GBF1: variants seen among roughly 807,000 people sequenced by gnomAD.
The protein encoded by GBF1 is Golgi-specific brefeldin A-resistance guanine nucleotide exchange factor 1.
A neutral mutation model predicts 210.5 loss-of-function variants in GBF1; 114 were observed. The ratio of observed to expected loss-of-function variants is 0.54; its 90% confidence interval spans 0.47 to 0.63. GBF1 has a LOEUF of 0.63. Ranked by LOEUF, GBF1 falls within the 30% of genes least tolerant of loss-of-function variation. The pLI, the probability that GBF1 is intolerant of heterozygous loss-of-function variation, is 0.00. For missense variants in GBF1, 1,851 were observed against 2,357.7 expected (o/e 0.79, Z 4.45); for synonymous variants, 850 against 889.2 (o/e 0.96, Z 0.78).
chr10:102,254,103 A>G (rs1317339325), intron 1 of GBF1, among the ~76,000 whole-genome samples: 1 of 152,054 alleles, frequency 6.6e-6, no homozygotes, highest in African/African-American at 2.4e-5. Flanking sequence ...TTTGTGCCTT[A>G]TCTTTTCCCT....
intron 3 of GBF1, among the ~76,000 whole-genome samples, chr10:102,301,391 A>T (rs1434052524): frequency 6.6e-6 from 1 of 152,230 alleles, no homozygotes; most frequent in Non-Finnish European, 1.5e-5. Context: ...TTCTACACAG[A>T]CACAGCAACA....
chr10:102,361,927 A>C lies in GBF1; in HGVS notation c.1686+15A>C. On this transcript the variant is annotated intron_variant, in intron 14 of 39. Transcript: ENST00000369983. ...TGCTGTCCAAGGTGCTGAGCACTAT[A>C]ACTGGCTTCTAGGAAAAAACGCATT... The C allele has an allele frequency of 1.3e-6, 2 of 1,533,544 alleles. No homozygotes were observed. The highest frequency in any genetic ancestry group is 2.5e-5 in the South Asian group (2 of 80,816). 95.0% of individuals were successfully genotyped at this position (1,533,544 alleles called of 1,614,324 possible).
At position 102,380,521 on chromosome 10, in the gene GBF1, G is replaced by T; in HGVS notation, c.5008G>T (p.Glu1670Ter). Reference protein sequence around the residue: ...SSDLLSEAIPESLKNMLLVMD... With the variant: ...SSDLLSEAIP ...CCACCTGCAGTCAGAGGCGATCCCT[G>T]AGTCTCTGAAGAACATGCTTCTGGT... Residue 1670 changes from glutamate (E) to a stop codon, truncating the protein, a stop_gained, in exon 38 of 40, where the codon GAG (glutamate) becomes TAG (stop). Coordinates refer to ENST00000369983, the MANE Select transcript of GBF1 (RefSeq NM_001377137.1). LOFTEE classifies it high-confidence loss of function. 1.2e-6 allele frequency: 2 copies of T among 1,612,918 alleles called. No homozygotes were observed. The highest frequency in any genetic ancestry group is 1.1e-5 in the South Asian group (1 of 90,950).
rs767008616 is a variant in GBF1, at chr10:102,275,841, A to G, written c.163+15725A>G. Among the ~76,000 whole-genome samples, 11 of 152,228 alleles carry G rather than the reference A, an allele frequency of 7.2e-5. No homozygotes were observed. The East Asian group carries it at 1.9e-3, about 27-fold the overall frequency. Reference sequence around the variant, plus strand: ...CAGAAGCATTGTAGGGAAAATAGTCAAAGGAAAATGGACTTCGGTTCTCAG... The same window carrying G: ...CAGAAGCATTGTAGGGAAAATAGTCGAAGGAAAATGGACTTCGGTTCTCAG... On this transcript the variant is annotated intron_variant, in intron 3 of 39. Coordinates refer to ENST00000369983, the MANE Select transcript of GBF1 (RefSeq NM_001377137.1).
At chr10:102,302,680 G>A (rs997653056) in intron 3 of GBF1, among the ~76,000 whole-genome samples, 2 of 152,140 alleles carry the variant, frequency 1.3e-5, no homozygotes, top group East Asian at 1.9e-4. Context: ...AGGAGGATAA[G>A]GATCATCACT....
chr10:102,348,738 A>G (rs2058742367), intron 4 of GBF1, among the ~76,000 whole-genome samples: 1 of 152,248 alleles, frequency 6.6e-6, no homozygotes, highest in Non-Finnish European at 1.5e-5. Flanking sequence ...TGCTGAGTAG[A>G]AGGACACTGT....
the GBF1 span, chr10:102,230,900 T>G: frequency 6.2e-7 from 1 of 1,611,660 alleles, no homozygotes; most frequent in Non-Finnish European, 8.5e-7. Context: ...TTGACCGAGT[T>G]GAAGGCGAAT....
intron 3 of GBF1, among the ~76,000 whole-genome samples, chr10:102,314,327 G>C (rs1315599534): frequency 6.6e-6 from 1 of 150,882 alleles, no homozygotes. Flanking sequence ...AATTTTTTTT[G>C]TAGAGACAGG....
At chr10:102,299,109 G>T (rs1404740059) in intron 3 of GBF1, among the ~76,000 whole-genome samples, 1 of 152,162 alleles carries the variant, frequency 6.6e-6, no homozygotes, top group Non-Finnish European at 1.5e-5. Flanking sequence ...TAACCTTGCT[G>T]TACTTTAAGT....
intron 3 of GBF1, among the ~76,000 whole-genome samples, chr10:102,273,310 C>T (rs1038078884): frequency 6.6e-6 from 1 of 151,316 alleles, no homozygotes; most frequent in African/African-American, 2.4e-5. Flanking sequence ...GCAGCCTGGG[C>T]GACAGAGCAA....
intron 3 of GBF1, among the ~76,000 whole-genome samples, chr10:102,293,764 G>GTTTTTTTATTTTTTT (rs1263151407): frequency 3.9e-5 from 2 of 50,888 alleles, no homozygotes; most frequent in African/African-American, 5.7e-5. Flanking sequence ...GCTGTAGTAT[G>GTTTTTTTATTTTTTT]TTTTGTGTTT....
intron 32 of GBF1, 38 bp downstream of exon 32, chr10:102,376,838 A>AT (rs758518244): frequency 6.2e-7 from 1 of 1,609,438 alleles, no homozygotes; most frequent in Non-Finnish European, 8.5e-7. Context: ...GGGAGTAGCC[A>AT]TGCAATTATG....
intron 3 of GBF1, 59 bp downstream of exon 3, chr10:102,260,175 T>C: frequency 2.1e-6 from 2 of 954,568 alleles, no homozygotes; most frequent in Non-Finnish European, 3.4e-6. Context: ...GTTTGATTTA[T>C]TGAAAGGATA....
chr10:102,284,392 T>A (rs2075767832), intron 3 of GBF1, among the ~76,000 whole-genome samples: 1 of 152,178 alleles, frequency 6.6e-6, no homozygotes, highest in Non-Finnish European at 1.5e-5. Flanking sequence ...AAGGAAATCC[T>A]GTACCCATTA....
At chr10:102,314,141 C>CTTTTTTTTTTTTTTTT (rs753694140) in intron 3 of GBF1, among the ~76,000 whole-genome samples, 1 of 119,924 alleles carries the variant, frequency 8.3e-6, no homozygotes, top group African/African-American at 3.0e-5. Context: ...TTAAACATAT[C>CTTTTTTTTTTTTTTTT]TTTTTTTTTT....
At chr10:102,351,979 C>G (rs2059011804) in intron 6 of GBF1, 28 bp downstream of exon 6, 20 of 1,196,658 alleles carry the variant, frequency 1.7e-5, no homozygotes, top group Non-Finnish European at 2.5e-5. Flanking sequence ...AGCCCCTTCA[C>G]CATTCCTGGG....
chr10:102,238,264 A>G, the GBF1 span, among the ~76,000 whole-genome samples: 2 of 152,204 alleles, frequency 1.3e-5, no homozygotes, highest in African/African-American at 2.4e-5. Context: ...TCTAGGAGGC[A>G]TCATTTAGTG....
intron 2 of GBF1, among the ~76,000 whole-genome samples, chr10:102,259,769 C>T (rs1451968180): frequency 2.0e-5 from 3 of 152,122 alleles, no homozygotes; most frequent in South Asian, 2.1e-4. Flanking sequence ...CAGAATAATA[C>T]ACATATAAAG....
At chr10:102,251,020 AAC>A (rs1301592076) in intron 1 of GBF1, among the ~76,000 whole-genome samples, 7 of 142,128 alleles carry the variant, frequency 4.9e-5, no homozygotes, top group Non-Finnish European at 1.1e-4. Context: ...AAAAAAAAAA[AAC>A]CACTTAAACA....
Sources: gnomAD v4.1 joint callset for allele counts (sites outside exome capture counted in the v4.1 genomes callset) on GRCh38, gnomAD v4.1.1 for gene constraint, MANE v1.5 for transcripts, NCBI Gene and HGNC (gene_info 2026-07-23, HGNC 2026-07-21) for gene names.